Variants in RIMS1 observed in about 807,000 individuals in gnomAD.
RIMS1 encodes the protein regulating synaptic membrane exocytosis 1.
Under a neutral mutation model 214.1 loss-of-function variants are expected in RIMS1, and 83 were observed. The observed-to-expected ratio is 0.39, with a 90% confidence interval of 0.32 to 0.47. The LOEUF is 0.47. Ranked by LOEUF, RIMS1 falls within the 20% of genes least tolerant of loss-of-function variation. The probability of loss-of-function intolerance (pLI) is 0.99; values close to 1 mark genes in which losing one functional copy is unlikely to be tolerated. For missense variants in RIMS1, 2,050 were observed against 2,161.8 expected, an observed-to-expected ratio of 0.95 and a Z score of 1.03; for synonymous variants, 793 against 786.8, an observed-to-expected ratio of 1.01 and a Z score of -0.13.
chr6:72,080,591 C>T (rs1282537839), intron 2 of RIMS1, among the ~76,000 whole-genome samples: 2 of 152,282 alleles, frequency 1.3e-5, no homozygotes, highest in Non-Finnish European at 2.9e-5. Flanking sequence ...AGAGTAAAAG[C>T]CAAATCCCGA....
At chr6:72,127,119 A>G (rs967550454) in intron 4 of RIMS1, among the ~76,000 whole-genome samples, 1 of 152,204 alleles carries the variant, frequency 6.6e-6, no homozygotes, top group African/African-American at 2.4e-5. Flanking sequence ...ATATTTCCCC[A>G]TCACCAGAGT....
At chr6:72,139,208 T>C (rs1425444144) in intron 4 of RIMS1, among the ~76,000 whole-genome samples, 1 of 152,130 alleles carries the variant, frequency 6.6e-6, no homozygotes, top group African/African-American at 2.4e-5. Flanking sequence ...ATTAGAGCTG[T>C]AGGGCTCCTC....
At chr6:72,241,016 C>CA (rs1213034745) in intron 9 of RIMS1, among the ~76,000 whole-genome samples, 2 of 151,296 alleles carry the variant, frequency 1.3e-5, no homozygotes, top group African/African-American at 2.4e-5. Flanking sequence ...AACTCCATCT[C>CA]AAAAAAAAGA....
At chr6:71,942,319 A>T (rs564562108) in intron 1 of RIMS1, among the ~76,000 whole-genome samples, 1 of 152,330 alleles carries the variant, frequency 6.6e-6, no homozygotes, top group Non-Finnish European at 1.5e-5. Context: ...TCCCTTGACT[A>T]GACTCCATAG....
chr6:72,192,742 A>G (rs1588878950), intron 6 of RIMS1, among the ~76,000 whole-genome samples: 1 of 152,104 alleles, frequency 6.6e-6, no homozygotes, highest in Non-Finnish European at 1.5e-5. Flanking sequence ...GGCTCCTGCC[A>G]CCTTAGTATC....
chr6:72,276,648 C>A (rs983523565), intron 23 of RIMS1, among the ~76,000 whole-genome samples: 48 of 151,994 alleles, frequency 3.2e-4, no homozygotes, highest in African/African-American at 1.2e-3. Context: ...AAAATAAATA[C>A]ACTTTACATC....
chr6:72,182,605 C>T lies in RIMS1; in HGVS notation c.1134C>T (p.His378=), dbSNP rs1346884306. The change falls in exon 6 of 34, where the codon CAC becomes CAT. Residue 378 remains histidine (H), a synonymous_variant. Transcript: ENST00000521978. ...PPPEEQQMRM[H]ARVSRARHER... ...CTGAGGAGCAGCAGATGCGCATGCA[C>T]GCCCGGGTGTCCCGCGCCAGGCACG... 1.3e-6 allele frequency: 2 copies of T among 1,548,154 alleles called. No individual in the cohort carries two copies. The highest frequency in any genetic ancestry group is 2.0e-5 in the Admixed American group (1 of 51,002).
intron 1 of RIMS1, among the ~76,000 whole-genome samples, chr6:71,956,882 A>C (rs774494582): frequency 6.6e-6 from 1 of 152,134 alleles, no homozygotes; most frequent in African/African-American, 2.4e-5. Flanking sequence ...ATAATGTGAA[A>C]ATTTCTGAGC....
At chr6:72,378,783 G>A (rs1048702912) in intron 29 of RIMS1, among the ~76,000 whole-genome samples, 1 of 152,134 alleles carries the variant, frequency 6.6e-6, no homozygotes, top group African/African-American at 2.4e-5. Context: ...AGGTTGCAGT[G>A]AGCCGAGATC....
At chr6:72,249,466 T>C (rs1289238030) in intron 12 of RIMS1, among the ~76,000 whole-genome samples, 1 of 152,146 alleles carries the variant, frequency 6.6e-6, no homozygotes, top group African/African-American at 2.4e-5. Flanking sequence ...CCTCCTTCTC[T>C]CATGAAAAAT....
At chr6:72,311,159 C>A (rs1222235520) in intron 27 of RIMS1, among the ~76,000 whole-genome samples, 1 of 152,072 alleles carries the variant, frequency 6.6e-6, no homozygotes, top group Non-Finnish European at 1.5e-5. Flanking sequence ...TGCTAACACC[C>A]AAAACAGGGA....
intron 13 of RIMS1, 88 bp from the exon 14 acceptor site, chr6:72,250,833 A>G (rs1192773568): frequency 3.5e-5 from 24 of 683,946 alleles, no homozygotes; most frequent in Non-Finnish European, 5.5e-5. Flanking sequence ...TTAAAATAAT[A>G]TAAATATCAA....
intron 22 of RIMS1, chr6:72,266,250 A>T (rs1371736399): frequency 3.4e-6 from 2 of 585,348 alleles, no homozygotes; most frequent in African/African-American, 3.7e-5. Flanking sequence ...ACATACACAT[A>T]TTTCTATGAA....
intron 19 of RIMS1, chr6:72,260,982 A>C (rs1212243667): frequency 3.0e-6 from 4 of 1,333,924 alleles, no homozygotes; most frequent in Non-Finnish European, 3.9e-6. Context: ...CTGTAGATTC[A>C]AAAATCCAGA....
At chr6:72,397,085 A>G (rs970886317) in intron 31 of RIMS1, among the ~76,000 whole-genome samples, 12 of 152,130 alleles carry the variant, frequency 7.9e-5, no homozygotes, top group Non-Finnish European at 1.5e-4. Context: ...AAAAAATATA[A>G]CCTACCACAA....
chr6:71,944,117 A>ATGT (rs1197231538), intron 1 of RIMS1, among the ~76,000 whole-genome samples: 1 of 152,198 alleles, frequency 6.6e-6, no homozygotes, highest in Non-Finnish European at 1.5e-5. Context: ...TTACTTGGTA[A>ATGT]AATACTATTA....
At chr6:72,038,968 T>C (rs1324139272) in intron 2 of RIMS1, among the ~76,000 whole-genome samples, 1 of 152,140 alleles carries the variant, frequency 6.6e-6, no homozygotes, top group Non-Finnish European at 1.5e-5. Flanking sequence ...TTACGGTTTA[T>C]AACTTGAAAA....
rs1237129804 is a variant in RIMS1, at chr6:72,120,856, C to T, written c.471+20870C>T. Among the ~76,000 whole-genome samples, 17 of 151,906 alleles carry T rather than the reference C, an allele frequency of 1.1e-4. 1 individual carries two copies. The highest frequency in any genetic ancestry group is 2.5e-4 in the Non-Finnish European group (17 of 67,884). On this transcript the variant is annotated intron_variant, in intron 4 of 33. Coordinates refer to ENST00000521978, the MANE Select transcript of RIMS1 (RefSeq NM_014989.7). The stretch of plus-strand genomic sequence containing the variant: ...AGGTTTAAGGAAGGGATGCAGTTAA[C>T]AGCTTTCTACATATAGCTAGCCAGT...
chr6:72,155,193 G>A (rs1387160991), intron 4 of RIMS1, among the ~76,000 whole-genome samples: 1 of 140,674 alleles, frequency 7.1e-6, no homozygotes, highest in Non-Finnish European at 1.6e-5. Context: ...ATGCCCTGGA[G>A]ACATTTTTCT....
Sources: gnomAD v4.1 joint callset for allele counts (sites outside exome capture counted in the v4.1 genomes callset) on GRCh38, gnomAD v4.1.1 for gene constraint, MANE v1.5 for transcripts, NCBI Gene and HGNC (gene_info 2026-07-23, HGNC 2026-07-21) for gene names.